TSNAXIP1: variants seen among roughly 807,000 people sequenced by gnomAD.
The protein encoded by TSNAXIP1 is translin associated factor X interacting protein 1.
In TSNAXIP1, 89 loss-of-function variants were observed where a neutral mutation model predicts 84.8. That is an observed-to-expected ratio of 1.05 (90% CI 0.88 to 1.25). The LOEUF is 1.25. TSNAXIP1 is among the 50% of genes most tolerant of loss of function. The pLI is 0.00. For missense variants in TSNAXIP1, 874 were observed against 887.6 expected, an observed-to-expected ratio of 0.98 and a Z score of 0.20; for synonymous variants, 347 against 335.2, an observed-to-expected ratio of 1.04 and a Z score of -0.39.
chr16:67,809,845 A>G (rs972601605), intron 1 of TSNAXIP1, among the ~76,000 whole-genome samples: 1 of 151,876 alleles, frequency 6.6e-6, no homozygotes, highest in Non-Finnish European at 1.5e-5. Context: ...GCTACTCAGG[A>G]GGCTGAAGCA....
At chr16:67,817,359 C>T (rs1216031213) in intron 2 of TSNAXIP1, among the ~76,000 whole-genome samples, 2 of 147,608 alleles carry the variant, frequency 1.4e-5, no homozygotes, top group African/African-American at 5.0e-5. Context: ...GGGGTTTCAC[C>T]GTGGTCTCGA....
In TSNAXIP1 at chr16:67,807,053, C is replaced by CGG. The variant is rs3833058; in HGVS notation, c.-91_-90dup. 4.3e-5 allele frequency: 64 copies of CGG among 1,487,104 alleles called. No individual in the cohort carries two copies. The highest frequency in any genetic ancestry group is 2.7e-4 in the African/African-American group (19 of 70,662). 92.1% of individuals were successfully genotyped at this position (1,487,104 alleles called of 1,614,324 possible). On this transcript the variant is annotated 5_prime_UTR_variant, in exon 1 of 16. Coordinates refer to ENST00000561639, the MANE Select transcript of TSNAXIP1 (RefSeq NM_001288990.3). ...CGCATCCCTGACTCCGCCCCCGCCG[C>CGG]GGGGGGGCCTCTGGGGCCTGGTCGC...
At chr16:67,812,909 A>G (rs1053771947) in intron 1 of TSNAXIP1, among the ~76,000 whole-genome samples, 1 of 151,998 alleles carries the variant, frequency 6.6e-6, no homozygotes. Flanking sequence ...CCACGCCCAG[A>G]TGCACATCTA....
Position 67,825,851 on chromosome 16 carries a change from G to A in TSNAXIP1, c.984+15G>A, listed in dbSNP as rs1598104366. 1.2e-6 allele frequency: 2 copies of A among 1,614,140 alleles called. No individual in the cohort carries two copies. Among genetic ancestry groups the A allele is most frequent in the East Asian group, 2.2e-5 (1 of 44,876 alleles). ...TTCAGGAGCAGGTGCTGGCAGGCAGGCAGGGCCAGGAGGGTAGGACGGGGT... is the reference window on the plus strand; with the variant it reads ...TTCAGGAGCAGGTGCTGGCAGGCAGACAGGGCCAGGAGGGTAGGACGGGGT... On this transcript the variant is annotated intron_variant, in intron 8 of 15. Transcript: ENST00000561639.
chr16:67,823,502 C>T (rs1284074223), intron 4 of TSNAXIP1, 124 bp from the exon 5 acceptor site: 1 of 671,688 alleles, frequency 1.5e-6, no homozygotes, highest in African/African-American at 1.8e-5. Context: ...GAGATTGCAC[C>T]ACAGCACTCC....
At chr16:67,825,329 G>A (rs1567771240) in intron 7 of TSNAXIP1, 57 bp downstream of exon 7, 4 of 1,602,714 alleles carry the variant, frequency 2.5e-6, no homozygotes, top group Non-Finnish European at 3.4e-6. Context: ...GAAGACTCTG[G>A]TCTCACCCCT....
chr16:67,807,112 C>T lies in TSNAXIP1; in HGVS notation c.-38C>T. The T allele has an allele frequency of 6.5e-7, 1 of 1,533,048 alleles. No homozygotes were observed. The allele number at this position is 1,533,048 out of a possible 1,614,324, so 95.0% of individuals were successfully genotyped here. ...CCGGCTGTACGCTACCACAGCTTCC[C>T]AGGCCGCGGGTGCTGATTGCCCGCC... On this transcript the variant is annotated 5_prime_UTR_variant, in exon 1 of 16. Transcript: ENST00000561639.
At position 67,825,836 on chromosome 16, in the gene TSNAXIP1, G is replaced by C; in HGVS notation, c.984G>C (p.Gln328His). Reference sequence around the variant, plus strand: ...AGACCAACAAGGATCTTCAGGAGCAGGTGCTGGCAGGCAGGCAGGGCCAGG... The same window carrying C: ...AGACCAACAAGGATCTTCAGGAGCACGTGCTGGCAGGCAGGCAGGGCCAGG... ...QEKTNKDLQE[Q>H]LDTLRASYEE... The change falls in exon 8 of 16, where the codon CAG becomes CAC. Residue 328 changes from glutamine to histidine, a missense_variant and splice_region_variant. Gln to His is a conservative substitution (Grantham distance 24, BLOSUM62 0). Coordinates refer to ENST00000561639, the MANE Select transcript of TSNAXIP1 (RefSeq NM_001288990.3). The C allele has an allele frequency of 6.2e-7, 1 of 1,614,196 alleles. No individual in the cohort carries two copies. Among genetic ancestry groups the C allele is most frequent in the Middle Eastern group, 1.6e-4 (1 of 6,062 alleles).
In TSNAXIP1 at chr16:67,815,272, C is replaced by T. The variant is rs1295740330; in HGVS notation, c.147+871C>T. On this transcript the variant is annotated intron_variant, in intron 2 of 15. Coordinates refer to ENST00000561639, the MANE Select transcript of TSNAXIP1 (RefSeq NM_001288990.3). ...GAGGTTGCAGTGAGCCGAGATCACA[C>T]CACTGCACTCCAGCCTGGACAACAG... is the stretch of plus-strand genomic sequence containing the variant. Among the ~76,000 whole-genome samples, 7 of 148,926 alleles carry T rather than the reference C, an allele frequency of 4.7e-5. No individual in the cohort carries two copies. In the East Asian group the frequency reaches 1.4e-3, roughly 29 times the overall value.
At chr16:67,810,097 G>C (rs2055909754) in intron 1 of TSNAXIP1, among the ~76,000 whole-genome samples, 1 of 152,122 alleles carries the variant, frequency 6.6e-6, no homozygotes, top group African/African-American at 2.4e-5. Context: ...CCTTTAAAAA[G>C]GGGCAGCATG....
chr16:67,807,028 C>G lies in TSNAXIP1; in HGVS notation c.-122C>G, dbSNP rs991116041. The G allele has an allele frequency of 2.8e-6, 4 of 1,441,854 alleles. No homozygotes were observed. The African/African-American group carries it at 5.7e-5, about 21-fold the overall frequency. The allele number at this position is 1,441,854 out of a possible 1,614,324, so 89.3% of individuals were successfully genotyped here. A position where few individuals can be genotyped will look rare whatever the true frequency, so the allele number is the denominator to read the frequency against. ...GCGGGCGCTAGGCTCGGGGGCGTGGCGCATCCCTGACTCCGCCCCCGCCGC... is the reference window on the plus strand; with the variant it reads ...GCGGGCGCTAGGCTCGGGGGCGTGGGGCATCCCTGACTCCGCCCCCGCCGC... On this transcript the variant is annotated 5_prime_UTR_variant, in exon 1 of 16. Transcript: ENST00000561639.
At chr16:67,822,044 C>T (rs908906770) in intron 4 of TSNAXIP1, among the ~76,000 whole-genome samples, 15 of 150,422 alleles carry the variant, frequency 1.0e-4, no homozygotes, top group South Asian at 2.1e-4. Context: ...TTTGGGAGGC[C>T]GAGGCAGGCG....
intron 7 of TSNAXIP1, 69 bp from the exon 8 acceptor site, chr16:67,825,598 G>A (rs2151264105): frequency 1.3e-6 from 2 of 1,549,380 alleles, no homozygotes; most frequent in Non-Finnish European, 1.7e-6. Flanking sequence ...AACAGGAAGG[G>A]CAGAGGGCTT....
chr16:67,825,326 C>G, intron 7 of TSNAXIP1, 54 bp downstream of exon 7: 3 of 1,603,406 alleles, frequency 1.9e-6, no homozygotes, highest in Non-Finnish European at 2.6e-6. Context: ...CTGGAAGACT[C>G]TGGTCTCACC....
intron 5 of TSNAXIP1, among the ~76,000 whole-genome samples, chr16:67,824,376 G>C (rs2057288024): frequency 1.3e-5 from 2 of 152,216 alleles, no homozygotes; most frequent in South Asian, 4.1e-4. Context: ...AAGGACATAG[G>C]AGAGACCCCG....
chr16:67,806,974 C>T lies in TSNAXIP1; in HGVS notation c.-176C>T. On this transcript the variant is annotated 5_prime_UTR_variant, in exon 1 of 16. Coordinates refer to ENST00000561639, the MANE Select transcript of TSNAXIP1 (RefSeq NM_001288990.3). ...GCACCCGCTGCCGGGTCCCAGTCCA[C>T]CTTTGCTACTTTGTCCTACTCCCAG... is the stretch of plus-strand genomic sequence containing the variant. 4 of 1,025,760 alleles carry T rather than the reference C, an allele frequency of 3.9e-6. No homozygotes were observed. Among genetic ancestry groups the T allele is most frequent in the South Asian group, 3.4e-5 (2 of 59,308 alleles). 63.5% of individuals were successfully genotyped at this position (1,025,760 alleles called of 1,614,324 possible). A position where few individuals can be genotyped will look rare whatever the true frequency, so the allele number is the denominator to read the frequency against.
intron 1 of TSNAXIP1, among the ~76,000 whole-genome samples, chr16:67,812,079 G>A (rs924909576): frequency 3.3e-5 from 5 of 152,138 alleles, no homozygotes; most frequent in Admixed American, 3.3e-4. Context: ...AAGACACTGA[G>A]GTTCAGAGAT....
At chr16:67,812,585 G>A (rs902478060) in intron 1 of TSNAXIP1, among the ~76,000 whole-genome samples, 7 of 151,574 alleles carry the variant, frequency 4.6e-5, no homozygotes, top group African/African-American at 1.7e-4. Flanking sequence ...AGAATTGCTT[G>A]AACCTGGGAG....
At chr16:67,820,175 C>T (rs1300261704) in intron 2 of TSNAXIP1, among the ~76,000 whole-genome samples, 1 of 151,760 alleles carries the variant, frequency 6.6e-6, no homozygotes, top group Non-Finnish European at 1.5e-5. Flanking sequence ...CCAGGATAGT[C>T]TCGATCTCCT....
Sources: allele counts gnomAD v4.1 joint callset (sites outside exome capture counted in the v4.1 genomes callset), GRCh38; gene constraint gnomAD v4.1.1; transcripts MANE v1.5; gene names NCBI Gene and HGNC (gene_info 2026-07-23, HGNC 2026-07-21).